The following RPS6KA2 variants were observed in gnomAD, a reference collection of about 807,000 sequenced individuals.
RPS6KA2 encodes ribosomal protein S6 kinase alpha-2.
Under a neutral mutation model 91.8 loss-of-function variants are expected in RPS6KA2, and 42 were observed. That is an observed-to-expected ratio of 0.46 (90% CI 0.36 to 0.59). RPS6KA2 has a LOEUF of 0.59. RPS6KA2 is among the 20% of genes least tolerant of loss of function. The pLI, the probability that RPS6KA2 is intolerant of heterozygous loss-of-function variation, is 0.00. For synonymous variants in RPS6KA2, 414 were observed against 393.6 expected (o/e 1.05, Z -0.61); for missense variants, 798 against 978.5 (o/e 0.82, Z 2.46).
At chr6:166,541,978 A>G (rs1000813071) in intron 1 of RPS6KA2, among the ~76,000 whole-genome samples, 3 of 152,210 alleles carry the variant, frequency 2.0e-5, no homozygotes, top group Non-Finnish European at 2.9e-5. Flanking sequence ...AAAAATCCCC[A>G]AGAGCATCAC....
chr6:166,509,855 G>A (rs1318428714), intron 4 of RPS6KA2, among the ~76,000 whole-genome samples: 9 of 152,152 alleles, frequency 5.9e-5, no homozygotes, highest in Non-Finnish European at 1.2e-4. Context: ...AGGGTTCAAC[G>A]AACTACTATC....
chr6:166,469,457 G>A (rs1780673272), intron 11 of RPS6KA2, among the ~76,000 whole-genome samples: 1 of 151,768 alleles, frequency 6.6e-6, no homozygotes, highest in Admixed American at 6.6e-5. Flanking sequence ...AGCTTGTCAT[G>A]ACTTTTGTCT....
At chr6:166,487,456 T>C (rs944403783) in intron 10 of RPS6KA2, among the ~76,000 whole-genome samples, 10 of 152,108 alleles carry the variant, frequency 6.6e-5, no homozygotes, top group African/African-American at 2.4e-4. Flanking sequence ...TTTACTGTGT[T>C]GTGTGGAAGA....
intron 2 of RPS6KA2, among the ~76,000 whole-genome samples, chr6:166,703,710 C>T (rs1477607069): frequency 1.3e-5 from 2 of 152,182 alleles, no homozygotes; most frequent in Non-Finnish European, 2.9e-5. Context: ...GGCGAAATCA[C>T]GGAAGCAGGA....
chr6:166,676,412 G>T (rs995272032), intron 2 of RPS6KA2, among the ~76,000 whole-genome samples: 8 of 152,062 alleles, frequency 5.3e-5, no homozygotes, highest in Non-Finnish European at 1.2e-4. Context: ...CCCCAGGCCG[G>T]TCTCCCCTAG....
chr6:166,706,579 G>T (rs1400364432), intron 2 of RPS6KA2, among the ~76,000 whole-genome samples: 1 of 152,176 alleles, frequency 6.6e-6, no homozygotes, highest in Non-Finnish European at 1.5e-5. Context: ...GATGAAGAAC[G>T]AGTATCATCT....
At chr6:166,568,388 C>T (rs3778392) in intron 1 of RPS6KA2, among the ~76,000 whole-genome samples, 50,894 of 151,752 alleles carry the variant, frequency 0.34, 8,917 homozygotes, top group East Asian at 0.49. Flanking sequence ...CTTAGGCAGG[C>T]GGATCACCTG....
intron 2 of RPS6KA2, among the ~76,000 whole-genome samples, chr6:166,829,195 CAAG>C (rs1780116906): frequency 6.6e-6 from 1 of 152,132 alleles, no homozygotes; most frequent in East Asian, 1.9e-4. Context: ...TAGCAAATGG[CAAG>C]GATGTGGAGA....
chr6:166,598,369 T>C (rs140352090), intron 1 of RPS6KA2, among the ~76,000 whole-genome samples: 1,660 of 152,348 alleles, frequency 0.011, 58 homozygotes, highest in Admixed American at 0.064. Flanking sequence ...TAGGCATTTA[T>C]GTTCTTACAG....
chr6:166,742,074 G>C (rs1790832838), intron 2 of RPS6KA2, among the ~76,000 whole-genome samples: 1 of 152,178 alleles, frequency 6.6e-6, no homozygotes, highest in Admixed American at 6.5e-5. Context: ...GTTGCAGTGA[G>C]CCAAGCTGAG....
chr6:166,758,782 T>C (rs1272018283), intron 2 of RPS6KA2, among the ~76,000 whole-genome samples: 1 of 152,148 alleles, frequency 6.6e-6, no homozygotes, highest in East Asian at 1.9e-4. Context: ...AAGACTGAAA[T>C]GGACAGAAAT....
chr6:166,563,256 G>A lies in RPS6KA2; in HGVS notation c.100-24472C>T, dbSNP rs1418693472. Among the ~76,000 whole-genome samples, 4 of 152,308 alleles carry A rather than the reference G, an allele frequency of 2.6e-5. No homozygotes were observed. The highest frequency in any genetic ancestry group is 3.4e-3 in the Middle Eastern group (1 of 294). On this transcript the variant is annotated intron_variant, in intron 1 of 20. Transcript: ENST00000265678. The surrounding 1 kb of genome is among the most constrained non-coding windows in gnomAD (Gnocchi z 4.1). ...AAGGAAGATGGAGAAGGCATCCTCCGGTGGGATGGGGTGGAGCTGGGAGAG... is the reference window on the plus strand; with the variant it reads ...AAGGAAGATGGAGAAGGCATCCTCCAGTGGGATGGGGTGGAGCTGGGAGAG...
chr6:166,678,787 C>T (rs889954535), intron 2 of RPS6KA2, among the ~76,000 whole-genome samples: 11 of 152,230 alleles, frequency 7.2e-5, no homozygotes, highest in Non-Finnish European at 1.5e-4. Flanking sequence ...CTCGATCCCC[C>T]GCATTTCTGC....
At chr6:166,513,224 A>C (rs1782531134) in intron 3 of RPS6KA2, among the ~76,000 whole-genome samples, 1 of 152,196 alleles carries the variant, frequency 6.6e-6, no homozygotes, top group Non-Finnish European at 1.5e-5. Flanking sequence ...ACAGGCATCG[A>C]GTAGGCACCC....
intron 2 of RPS6KA2, among the ~76,000 whole-genome samples, chr6:166,740,908 G>A (rs1462196959): frequency 6.6e-6 from 1 of 152,252 alleles, no homozygotes; most frequent in Non-Finnish European, 1.5e-5. Flanking sequence ...AAGCATCAAG[G>A]AGTGCCCCCT....
At chr6:166,620,962 G>A (rs1459167723) in intron 1 of RPS6KA2, among the ~76,000 whole-genome samples, 2 of 152,202 alleles carry the variant, frequency 1.3e-5, no homozygotes, top group African/African-American at 2.4e-5. Flanking sequence ...AGGGGCAGGA[G>A]GGAAACAGGG....
chr6:166,460,017 G>A lies in RPS6KA2; in HGVS notation c.973-466C>T, dbSNP rs531074183. Among the ~76,000 whole-genome samples the A allele has an allele frequency of 7.9e-5, 12 of 152,298 alleles. No individual in the cohort carries two copies. In the South Asian group the frequency reaches 1.2e-3, roughly 16 times the overall value. Reference sequence around the variant, plus strand: ...CAGCACCACGGAACTTCAGCTCTGCGGGGCACTGCAAAAACCGCCGACCCA... The same window carrying A: ...CAGCACCACGGAACTTCAGCTCTGCAGGGCACTGCAAAAACCGCCGACCCA... On this transcript the variant is annotated intron_variant, in intron 11 of 20. Coordinates refer to ENST00000265678, the MANE Select transcript of RPS6KA2 (RefSeq NM_021135.6).
chr6:166,620,656 G>A (rs1011464586), intron 1 of RPS6KA2, among the ~76,000 whole-genome samples: 10 of 152,210 alleles, frequency 6.6e-5, no homozygotes, highest in Non-Finnish European at 2.9e-5. Context: ...CCCCCATAAT[G>A]TAGTGCAAGA....
At position 166,419,742 on chromosome 6, in the gene RPS6KA2, G is replaced by A; in HGVS notation, c.1820+140C>T. On this transcript the variant is annotated intron_variant, in intron 18 of 20. Coordinates refer to ENST00000265678, the MANE Select transcript of RPS6KA2 (RefSeq NM_021135.6). The surrounding 1 kb of genome is among the most constrained non-coding windows in gnomAD (Gnocchi z 5.6). ...GAAAGTCTGCGAGTGTTCACTCAAGGCCTGGGAGTGTTTGCATACACGTTG... is the reference window on the plus strand; with the variant it reads ...GAAAGTCTGCGAGTGTTCACTCAAGACCTGGGAGTGTTTGCATACACGTTG... 1.5e-6 allele frequency: 1 copy of A among 664,758 alleles called. No homozygotes were observed. The highest frequency in any genetic ancestry group is 2.7e-6 in the Non-Finnish European group (1 of 368,530). 41.2% of individuals were successfully genotyped at this position (664,758 alleles called of 1,614,324 possible).
Sources: allele counts gnomAD v4.1 joint callset (sites outside exome capture counted in the v4.1 genomes callset), GRCh38; gene constraint gnomAD v4.1.1; non-coding constraint Gnocchi (gnomAD v3.1); transcripts MANE v1.5; gene names NCBI Gene and HGNC (gene_info 2026-07-23, HGNC 2026-07-21).